TRIO: variants seen among roughly 807,000 people sequenced by gnomAD.
The protein encoded by TRIO is trio Rho guanine nucleotide exchange factor.
In TRIO, 58 loss-of-function variants were observed where a neutral mutation model predicts 351.9. The ratio of observed to expected loss-of-function variants is 0.16; its 90% CI spans 0.13 to 0.21. TRIO has a LOEUF of 0.21. Among genes scored for constraint, TRIO ranks in the 10% least tolerant of loss-of-function variants. The pLI is 1.00. For synonymous variants in TRIO, 1,758 were observed against 1,595.7 expected, an observed-to-expected ratio of 1.10 and a Z score of -2.42; for missense variants, 3,201 against 4,027.8, an observed-to-expected ratio of 0.79 and a Z score of 5.56.
At chr5:14,231,546 T>C (rs1199951171) in intron 1 of TRIO, among the ~76,000 whole-genome samples, 1 of 152,206 alleles carries the variant, frequency 6.6e-6, no homozygotes, top group East Asian at 1.9e-4. Flanking sequence ...CTCTGGGCCT[T>C]CTTTGCTCTC....
chr5:14,382,486 T>TG (rs1746192054), intron 21 of TRIO, among the ~76,000 whole-genome samples: 1 of 151,706 alleles, frequency 6.6e-6, no homozygotes, highest in African/African-American at 2.4e-5. Context: ...AGACCAGGCA[T>TG]GGGGGGCGCA....
At chr5:14,175,686 T>A (rs962146819) in intron 1 of TRIO, among the ~76,000 whole-genome samples, 2 of 152,236 alleles carry the variant, frequency 1.3e-5, no homozygotes, top group African/African-American at 4.8e-5. Context: ...TATTTAAAAC[T>A]AGTCACATTG....
intron 1 of TRIO, among the ~76,000 whole-genome samples, chr5:14,263,804 C>G (rs977872002): frequency 2.0e-5 from 3 of 152,080 alleles, no homozygotes; most frequent in Admixed American, 6.5e-5. Flanking sequence ...AACTCCAGTT[C>G]CAGAATACAG....
intron 1 of TRIO, among the ~76,000 whole-genome samples, chr5:14,205,699 T>C (rs917638231): frequency 2.0e-5 from 3 of 152,252 alleles, no homozygotes; most frequent in African/African-American, 7.2e-5. Flanking sequence ...GAAAACATTA[T>C]ACGCATACAA....
At chr5:14,356,778 T>C (rs1002511283) in intron 11 of TRIO, among the ~76,000 whole-genome samples, 1 of 152,186 alleles carries the variant, frequency 6.6e-6, no homozygotes, top group African/African-American at 2.4e-5. Context: ...GGGACTGCTA[T>C]TCGACAGTGG....
intron 19 of TRIO, among the ~76,000 whole-genome samples, chr5:14,377,133 T>G (rs1311607886): frequency 6.6e-6 from 1 of 151,850 alleles, no homozygotes; most frequent in East Asian, 1.9e-4. Flanking sequence ...TATGACATTT[T>G]AAATGTTTGT....
intron 1 of TRIO, among the ~76,000 whole-genome samples, chr5:14,182,872 C>G (rs957572686): frequency 7.6e-5 from 6 of 79,110 alleles, no homozygotes; most frequent in African/African-American, 1.7e-4. Context: ...ACCCCCCCCC[C>G]TCCACTTTGC....
At chr5:14,306,471 A>G (rs748732729) in intron 8 of TRIO, among the ~76,000 whole-genome samples, 4 of 152,186 alleles carry the variant, frequency 2.6e-5, no homozygotes, top group Non-Finnish European at 5.9e-5. Context: ...ATCTCTATGC[A>G]TTGTCTAATT....
At chr5:14,458,525 T>C (rs749716868) in intron 34 of TRIO, among the ~76,000 whole-genome samples, 22 of 152,214 alleles carry the variant, frequency 1.4e-4, no homozygotes, top group Non-Finnish European at 3.2e-4. Flanking sequence ...TAGTACAGGA[T>C]AATTTTGTGA....
rs1340227220 is a variant in TRIO, at chr5:14,330,769, T to C, written c.1732-9T>C. The C allele has an allele frequency of 6.2e-7, 1 of 1,613,744 alleles. No homozygotes were observed. The highest frequency in any genetic ancestry group is 1.1e-5 in the South Asian group (1 of 91,024). ...TTTTTATGGCATATGTACCTGTATTTCATTGTAGGTGCTAGACTGGATCGA... is the reference window on the plus strand; with the variant it reads ...TTTTTATGGCATATGTACCTGTATTCCATTGTAGGTGCTAGACTGGATCGA... On this transcript the variant is annotated splice_polypyrimidine_tract_variant and intron_variant, in intron 9 of 56. Coordinates refer to ENST00000344204, the MANE Select transcript of TRIO (RefSeq NM_007118.4).
At chr5:14,408,886 T>C (rs1166216751) in intron 33 of TRIO, among the ~76,000 whole-genome samples, 1 of 151,658 alleles carries the variant, frequency 6.6e-6, no homozygotes, top group Non-Finnish European at 1.5e-5. Flanking sequence ...AAAAAAAAAG[T>C]AAATTTTTTG....
At chr5:14,407,969 T>C (rs1471965051) in intron 33 of TRIO, among the ~76,000 whole-genome samples, 1 of 152,226 alleles carries the variant, frequency 6.6e-6, no homozygotes, top group Non-Finnish European at 1.5e-5. Flanking sequence ...AGCCCAGAAT[T>C]GCTGAGCTTC....
chr5:14,463,962 A>G (rs1754031896), intron 36 of TRIO, among the ~76,000 whole-genome samples: 1 of 152,154 alleles, frequency 6.6e-6, no homozygotes, highest in Non-Finnish European at 1.5e-5. Flanking sequence ...ACACGAGACC[A>G]GCACACTGTA....
intron 1 of TRIO, among the ~76,000 whole-genome samples, chr5:14,173,267 G>A (rs1485497527): frequency 1.4e-5 from 2 of 146,150 alleles, no homozygotes; most frequent in Non-Finnish European, 3.0e-5. Flanking sequence ...CTGGAGTGCA[G>A]TGGCGAGATC....
At chr5:14,263,619 TGTA>T (rs1581477147) in intron 1 of TRIO, among the ~76,000 whole-genome samples, 1 of 152,236 alleles carries the variant, frequency 6.6e-6, no homozygotes, top group Admixed American at 6.5e-5. Context: ...ATGATCAAAT[TGTA>T]GTAGTTTTGT....
At chr5:14,403,801 GGTGAGGGTGCAGGTT>G (rs1748436774) in intron 31 of TRIO, among the ~76,000 whole-genome samples, 3 of 120,244 alleles carry the variant, frequency 2.5e-5, no homozygotes, top group Non-Finnish European at 5.1e-5. Flanking sequence ...AGGTTGTGGT[GGTGAGGGTGCAGGTT>G]GTGAGGGTGC....
At chr5:14,402,622 TG>T (rs1748176871) in intron 31 of TRIO, among the ~76,000 whole-genome samples, 1 of 151,672 alleles carries the variant, frequency 6.6e-6, no homozygotes, top group Admixed American at 6.6e-5. Context: ...GTATGGATTT[TG>T]GTGGTCACGG....
chr5:14,239,111 C>A (rs1382140408), intron 1 of TRIO, among the ~76,000 whole-genome samples: 2 of 152,034 alleles, frequency 1.3e-5, no homozygotes, highest in Non-Finnish European at 2.9e-5. Flanking sequence ...TATATGTAGT[C>A]AACAGAGTTC....
chr5:14,397,139 C>G lies in TRIO; in HGVS notation c.4408C>G (p.Leu1470Val). Residue 1470 changes from leucine to valine, a missense_variant, in exon 29 of 57, where the codon CTC becomes GTC. By Grantham distance (32) the Leu-to-Val change is conservative (BLOSUM62 1). Around this residue, in one of 19 missense-constraint regions of TRIO, gnomAD observed 115 missense variants for 239.6 expected, o/e 0.48. Transcript: ENST00000344204. ...GAAGCGAGCCAATGATGCCATGCAC[C>G]TCAGCATGCTGGAAGGTAAAGGACC... ...VPKRANDAMH[L>V]SMLEGFDENI... The G allele has an allele frequency of 6.2e-7, 1 of 1,606,678 alleles. No homozygotes were observed. Among genetic ancestry groups the G allele is most frequent in the Non-Finnish European group, 8.5e-7 (1 of 1,177,438 alleles).
Sources: allele counts gnomAD v4.1 joint callset (sites outside exome capture counted in the v4.1 genomes callset), GRCh38; gene constraint gnomAD v4.1.1; regional missense constraint gnomAD v4.1.1; transcripts MANE v1.5; gene names NCBI Gene and HGNC (gene_info 2026-07-23, HGNC 2026-07-21).